Variants in DAPK2 observed in about 807,000 individuals in gnomAD.
DAPK2 encodes death associated protein kinase 2, also known as death-associated protein kinase 2.
A neutral mutation model predicts 44.1 loss-of-function variants in DAPK2; 35 were observed. The observed-to-expected ratio is 0.79, with a 90% CI of 0.61 to 1.05. DAPK2 has a LOEUF of 1.05. Among genes scored for constraint, DAPK2 ranks in the 50% least tolerant of loss-of-function variants. The pLI is 0.00. For synonymous variants in DAPK2, 174 were observed against 182.6 expected (o/e 0.95, Z 0.38); for missense variants, 453 against 483.2 (o/e 0.94, Z 0.59).
At chr15:63,961,556 A>G (rs2077901455) in intron 3 of DAPK2, among the ~76,000 whole-genome samples, 1 of 152,152 alleles carries the variant, frequency 6.6e-6, no homozygotes, top group African/African-American at 2.4e-5. Flanking sequence ...AACATCTCTC[A>G]GCATTTGTTT....
intron 1 of DAPK2, among the ~76,000 whole-genome samples, chr15:64,010,584 C>T (rs1166102734): frequency 1.3e-5 from 2 of 152,190 alleles, no homozygotes; most frequent in African/African-American, 4.8e-5. Flanking sequence ...CTGACCACTT[C>T]AGGCAAAGTC....
rs1409087544 is a variant in DAPK2, at chr15:63,939,355, T to C, written c.460A>G (p.Asn154Asp). Reference sequence around the variant, plus strand: ...ATATTCTTGTCTAACAACATAATGTTTTCTGGCTGGACAACAAAAAGTAGA... The same window carrying C: ...ATATTCTTGTCTAACAACATAATGTCTTCTGGCTGGACAACAAAAAGTAGA... The change falls in exon 4 of 11, where the codon AAC becomes GAC. Residue 154 changes from asparagine to aspartate, a missense_variant. Transcript: ENST00000261891. This position sits in a 1 kb window ranked among gnomAD's most constrained non-coding sequence, Gnocchi z 4.3. 1 of 1,597,626 alleles carries C rather than the reference T, an allele frequency of 6.3e-7. No homozygotes were observed.
chr15:64,030,155 G>T (rs892926554), intron 1 of DAPK2: 3 of 152,282 alleles, frequency 2.0e-5, no homozygotes, highest in Non-Finnish European at 2.9e-5. Flanking sequence ...GCTGTGAGTG[G>T]CGGGTGCCTA....
At chr15:63,945,718 C>T (rs1041600336) in intron 3 of DAPK2, among the ~76,000 whole-genome samples, 1 of 152,206 alleles carries the variant, frequency 6.6e-6, no homozygotes, top group African/African-American at 2.4e-5. Context: ...TTTCTCTGGG[C>T]CTCAGCCCCC....
chr15:63,918,886 C>T (rs916142282), intron 8 of DAPK2: 1 of 152,244 alleles, frequency 6.6e-6, no homozygotes, highest in Non-Finnish European at 1.5e-5. Flanking sequence ...AATTAAAAAT[C>T]CTCAATGGCA....
chr15:63,971,072 T>G (rs967011706), intron 3 of DAPK2, among the ~76,000 whole-genome samples: 2 of 152,240 alleles, frequency 1.3e-5, no homozygotes, highest in Admixed American at 6.5e-5. Flanking sequence ...TCTAGTTTTT[T>G]GTTACTGAAA....
intron 3 of DAPK2, among the ~76,000 whole-genome samples, chr15:63,944,733 C>A (rs564379192): frequency 1.3e-5 from 2 of 152,314 alleles, no homozygotes; most frequent in Admixed American, 1.3e-4. Flanking sequence ...ATCCCTTTCT[C>A]CCCAACACAT....
chr15:63,957,154 C>A (rs2077746970), intron 3 of DAPK2, among the ~76,000 whole-genome samples: 1 of 152,114 alleles, frequency 6.6e-6, no homozygotes, highest in Non-Finnish European at 1.5e-5. Context: ...CTTAACTGAC[C>A]CTTTTATCAT....
At chr15:64,042,036 C>T (rs544765993), upstream of DAPK2, among the ~76,000 whole-genome samples, 5 of 152,272 alleles carry the variant, frequency 3.3e-5, no homozygotes, top group East Asian at 9.6e-4. The surrounding 1 kb of genome is among the most constrained non-coding windows in gnomAD (Gnocchi z 4.7). Flanking sequence ...CAGTTCCAGA[C>T]TAGCGTGAGT....
At chr15:64,023,783 C>G (rs887895089) in intron 1 of DAPK2, among the ~76,000 whole-genome samples, 2 of 152,192 alleles carry the variant, frequency 1.3e-5, no homozygotes, top group Non-Finnish European at 2.9e-5. Flanking sequence ...CGCTATGTCC[C>G]TTACATCTGT....
intron 2 of DAPK2, among the ~76,000 whole-genome samples, chr15:63,979,446 G>A (rs1256100093): frequency 6.6e-6 from 1 of 152,164 alleles, no homozygotes; most frequent in Non-Finnish European, 1.5e-5. Flanking sequence ...TTGCTGAGAG[G>A]GGCAGTGGGA....
At chr15:64,004,565 G>C (rs2079177778) in intron 1 of DAPK2, among the ~76,000 whole-genome samples, 1 of 152,206 alleles carries the variant, frequency 6.6e-6, no homozygotes, top group Non-Finnish European at 1.5e-5. Context: ...TAGTGGGATA[G>C]AGACTTTCAG....
At chr15:63,953,755 C>T (rs1405224736) in intron 3 of DAPK2, among the ~76,000 whole-genome samples, 1 of 152,140 alleles carries the variant, frequency 6.6e-6, no homozygotes, top group East Asian at 1.9e-4. Context: ...ACGAGGGTTC[C>T]CCTTTCTCAG....
chr15:64,029,770 T>A (rs2079958282), intron 1 of DAPK2: 1 of 152,272 alleles, frequency 6.6e-6, no homozygotes, highest in South Asian at 2.1e-4. Context: ...CACACACACA[T>A]CCACACACAC....
In DAPK2 at chr15:63,917,911, C is replaced by T. The variant is rs1467457033; in HGVS notation, c.859-5714G>A. The stretch of plus-strand genomic sequence containing the variant: ...ATTTTATCACTCACCATAGCTTTTC[C>T]AATCTAGTTGGCTGGGTCCCCATCT... On this transcript the variant is annotated intron_variant, in intron 8 of 10. Coordinates refer to ENST00000261891, the Ensembl canonical transcript of DAPK2. This position sits in a 1 kb window ranked among gnomAD's most constrained non-coding sequence, Gnocchi z 4.4. 6.6e-6 allele frequency: 1 copy of T among 152,190 alleles called. No homozygotes were observed. Among genetic ancestry groups the T allele is most frequent in the East Asian group, 1.9e-4 (1 of 5,204 alleles). The allele number at this position is 152,190 out of a possible 1,614,324, so 9.4% of individuals were successfully genotyped here. A position where few individuals can be genotyped will look rare whatever the true frequency, so the allele number is the denominator to read the frequency against.
chr15:64,011,784 G>A (rs2079396746), intron 1 of DAPK2, among the ~76,000 whole-genome samples: 1 of 152,178 alleles, frequency 6.6e-6, no homozygotes, highest in South Asian at 2.1e-4. Flanking sequence ...AGCTCTAACT[G>A]AATTCATGAA....
At position 64,016,000 on chromosome 15, in the gene DAPK2, G is replaced by A. The variant is rs140358621; in HGVS notation, c.92+24170C>T. Among the ~76,000 whole-genome samples, 748 of 152,330 alleles carry A rather than the reference G, an allele frequency of 4.9e-3. 3 individuals are homozygous for A. Among genetic ancestry groups the A allele is most frequent in the Middle Eastern group, 0.044 (13 of 294 alleles). On this transcript the variant is annotated intron_variant, in intron 1 of 10. Coordinates refer to ENST00000261891, the Ensembl canonical transcript of DAPK2. ...GAGGCCCCAGCAAACTAACACAGCA[G>A]GGAAAGGGGGCATAGGGAGGAAGGC...
At chr15:64,000,098 T>G (rs2079043688) in intron 1 of DAPK2, among the ~76,000 whole-genome samples, 1 of 152,054 alleles carries the variant, frequency 6.6e-6, no homozygotes. Context: ...CATAGATGTT[T>G]AATGTACAGA....
At chr15:63,995,689 C>G in intron 1 of DAPK2, among the ~76,000 whole-genome samples, 1 of 152,220 alleles carries the variant, frequency 6.6e-6, no homozygotes, top group Admixed American at 6.5e-5. Flanking sequence ...CTGACCTGGT[C>G]CTTTCCTCAA....
Sources: allele counts gnomAD v4.1 joint callset (sites outside exome capture counted in the v4.1 genomes callset), GRCh38; gene constraint gnomAD v4.1.1; non-coding constraint Gnocchi (gnomAD v3.1); transcripts MANE v1.5; gene names NCBI Gene and HGNC (gene_info 2026-07-23, HGNC 2026-07-21).